The following DNAH5 variants were observed in gnomAD, a reference collection of about 807,000 sequenced individuals.
The protein encoded by DNAH5 is axonemal beta dynein heavy chain 5.
In DNAH5, 372 loss-of-function variants were observed where a neutral mutation model predicts 518.2. The ratio of observed to expected loss-of-function variants is 0.72; its 90% CI spans 0.66 to 0.78. DNAH5 has a LOEUF of 0.78. Ranked by LOEUF, DNAH5 falls within the 30% of genes least tolerant of loss-of-function variation. The pLI, the probability that DNAH5 is intolerant of heterozygous loss-of-function variation, is 0.00. For missense variants in DNAH5, 5,523 were observed against 5,687.0 expected, an observed-to-expected ratio of 0.97 and a Z score of 0.93; for synonymous variants, 2,039 against 2,025.9, an observed-to-expected ratio of 1.01 and a Z score of -0.17.
chr5:13,816,349 T>C (rs1253386238), intron 42 of DNAH5, among the ~76,000 whole-genome samples: 1 of 152,204 alleles, frequency 6.6e-6, no homozygotes, highest in Non-Finnish European at 1.5e-5. Context: ...TACTACCTTC[T>C]CTTACTCACC....
chr5:13,921,937 T>C (rs910944128), intron 5 of DNAH5, among the ~76,000 whole-genome samples, 170 bp downstream of exon 5: 2 of 152,128 alleles, frequency 1.3e-5, no homozygotes, highest in Non-Finnish European at 2.9e-5. Context: ...TGTAGAAATT[T>C]AAATCTAATC....
intron 12 of DNAH5, among the ~76,000 whole-genome samples, chr5:13,906,554 G>A (rs997431609): frequency 6.6e-6 from 1 of 152,096 alleles, no homozygotes; most frequent in African/African-American, 2.4e-5. Context: ...AGTACACATG[G>A]AACATCTACA....
chr5:13,813,037 A>T (rs1760920456), intron 43 of DNAH5, among the ~76,000 whole-genome samples: 1 of 152,236 alleles, frequency 6.6e-6, no homozygotes, highest in Non-Finnish European at 1.5e-5. Flanking sequence ...TGAAGCTGAC[A>T]GATTGTCAGC....
intron 12 of DNAH5, among the ~76,000 whole-genome samples, chr5:13,906,948 A>G (rs1368041870): frequency 2.0e-5 from 3 of 152,204 alleles, no homozygotes; most frequent in Non-Finnish European, 4.4e-5. Flanking sequence ...ATAAATTCCA[A>G]AGAAAGAAGA....
At chr5:13,852,071 C>T (rs6872270) in intron 30 of DNAH5, among the ~76,000 whole-genome samples, 51,428 of 148,776 alleles carry the variant, frequency 0.35, 9,549 homozygotes, top group South Asian at 0.46. Context: ...CATCTGCAGA[C>T]CAGGAGATTC....
intron 13 of DNAH5, among the ~76,000 whole-genome samples, 160 bp from the exon 14 acceptor site, chr5:13,901,733 A>C (rs1774655187): frequency 6.6e-6 from 1 of 152,160 alleles, no homozygotes; most frequent in East Asian, 1.9e-4. Flanking sequence ...ATAAAAATAA[A>C]ACTCATCCAT....
In DNAH5 at chr5:13,708,294, C is replaced by A. The variant is rs774559622; in HGVS notation, c.13167G>T (p.Met4389Ile). Residue 4389 changes from methionine to isoleucine, a missense_variant, in exon 76 of 79, where the codon ATG (methionine) becomes ATT (isoleucine). Around this residue, in one of 3 missense-constraint regions of DNAH5, gnomAD observed 387 missense variants for 430.0 expected, o/e 0.90. Transcript: ENST00000265104. ...CTATTTCCTGCCTGAGGAAAATGTT[C>A]ATAGGCTGGAATGGCCCCATCTTCT... ...RLQKMGPFQPMNIFLRQEIDR... is the reference protein window; with the variant it reads ...RLQKMGPFQPINIFLRQEIDR... 4.3e-6 allele frequency: 7 copies of A among 1,614,108 alleles called. No homozygotes were observed. The South Asian group carries it at 5.5e-5, about 13-fold the overall frequency.
At chr5:13,833,254 T>C (rs1052032786) in intron 35 of DNAH5, among the ~76,000 whole-genome samples, 2 of 151,522 alleles carry the variant, frequency 1.3e-5, no homozygotes, top group Admixed American at 6.6e-5. Flanking sequence ...GCCTGGCCAA[T>C]ATGGCAAAAT....
At chr5:13,730,757 G>A (rs1220795155) in intron 68 of DNAH5, among the ~76,000 whole-genome samples, 1 of 150,214 alleles carries the variant, frequency 6.7e-6, no homozygotes, top group Non-Finnish European at 1.5e-5. Context: ...AGGCTAGAGT[G>A]CAATGGCGTG....
chr5:13,841,874 G>A lies in DNAH5; in HGVS notation c.5302C>T (p.Gln1768Ter). The A allele has an allele frequency of 6.8e-7, 1 of 1,474,954 alleles. No homozygotes were observed. Among genetic ancestry groups the A allele is most frequent in the Non-Finnish European group, 9.2e-7 (1 of 1,091,030 alleles). 91.4% of individuals were successfully genotyped at this position (1,474,954 alleles called of 1,614,324 possible). The change falls in exon 33 of 79, where the codon CAA becomes TAA. Residue 1768 changes from glutamine (Q) to a stop codon, truncating the protein, a stop_gained. Coordinates refer to ENST00000265104, the MANE Select transcript of DNAH5 (RefSeq NM_001369.3). LOFTEE classifies it high-confidence loss of function. ...TCCAATTCAATCGTCTCACCCTCTT[G>A]AGAGGAAATTGACAGAATTCGATCA... ...IYDRILSISS[Q>*]EGETIELDKP...
chr5:13,970,231 G>T (rs567726005), intron 1 of DNAH5, among the ~76,000 whole-genome samples: 2 of 152,142 alleles, frequency 1.3e-5, no homozygotes, highest in African/African-American at 2.4e-5. Flanking sequence ...TTGGTTGGTG[G>T]ATTCTTATGC....
intron 62 of DNAH5, 93 bp downstream of exon 62, chr5:13,754,110 G>A: frequency 6.7e-7 from 1 of 1,483,582 alleles, no homozygotes; most frequent in Admixed American, 1.7e-5. Context: ...CATGCGCCAT[G>A]TTGGACACAC....
chr5:13,732,941 T>C (rs1341205472), intron 68 of DNAH5, among the ~76,000 whole-genome samples: 1 of 152,184 alleles, frequency 6.6e-6, no homozygotes, highest in African/African-American at 2.4e-5. Flanking sequence ...AACATAATCC[T>C]GCTCCAAAGT....
rs2126610451 is a variant in DNAH5 at position 13,735,809 on chromosome 5, C to CAGA, written c.11570+6_11570+8dup. On this transcript the variant is annotated intron_variant, in intron 67 of 78. Transcript: ENST00000265104. ...AGAATTCAGCTTGGCTTCCCGCGTACAGACGTACCTGGCTAAGGAAAGGTC... is the reference window on the plus strand; with the variant it reads ...AGAATTCAGCTTGGCTTCCCGCGTACAGAAGACGTACCTGGCTAAGGAAAGGTC... 2 of 1,609,730 alleles carry CAGA rather than the reference C, an allele frequency of 1.2e-6. No individual in the cohort carries two copies. Among genetic ancestry groups the CAGA allele is most frequent in the Non-Finnish European group, 1.7e-6 (2 of 1,175,982 alleles).
At chr5:13,743,058 AC>A (rs1168805472) in intron 65 of DNAH5, among the ~76,000 whole-genome samples, 1 of 152,036 alleles carries the variant, frequency 6.6e-6, no homozygotes, top group East Asian at 1.9e-4. Context: ...CTTTCATTCC[AC>A]CAATTCATAA....
At chr5:13,876,644 G>T in intron 22 of DNAH5, 40 bp downstream of exon 22, 1 of 1,607,360 alleles carries the variant, frequency 6.2e-7, no homozygotes, top group Non-Finnish European at 8.5e-7. Context: ...AGTGCATGTT[G>T]CAAAGCAAAA....
intron 1 of DNAH5, among the ~76,000 whole-genome samples, chr5:13,935,232 C>A (rs1778814641): frequency 6.6e-6 from 1 of 152,156 alleles, no homozygotes; most frequent in African/African-American, 2.4e-5. Flanking sequence ...TTCCAAAGAA[C>A]ACAGAGATTT....
At chr5:13,964,250 T>C (rs540719566) in intron 1 of DNAH5, among the ~76,000 whole-genome samples, 1 of 152,204 alleles carries the variant, frequency 6.6e-6, no homozygotes, top group African/African-American at 2.4e-5. Flanking sequence ...ACCTAGAACA[T>C]TGCAAGGACT....
At chr5:13,956,469 A>G (rs1310237856) in intron 1 of DNAH5, among the ~76,000 whole-genome samples, 1 of 152,162 alleles carries the variant, frequency 6.6e-6, no homozygotes, top group Non-Finnish European at 1.5e-5. Flanking sequence ...GTCCTTTTTC[A>G]TGCCATTGTT....
Sources: gnomAD v4.1 joint callset for allele counts (sites outside exome capture counted in the v4.1 genomes callset) on GRCh38, gnomAD v4.1.1 for gene constraint, gnomAD v4.1.1 regional missense constraint, MANE v1.5 for transcripts, NCBI Gene and HGNC (gene_info 2026-07-23, HGNC 2026-07-21) for gene names.